Variants in TSPAN9 observed in about 807,000 individuals in gnomAD.
The protein encoded by TSPAN9 is tetraspanin 9.
Under a neutral mutation model 31.0 loss-of-function variants are expected in TSPAN9, and 16 were observed. That is an observed-to-expected ratio of 0.52 (90% confidence interval 0.35 to 0.78). TSPAN9 has a LOEUF of 0.78. TSPAN9 is among the 30% of genes least tolerant of loss of function. The pLI is 0.01. For missense variants in TSPAN9, 272 were observed against 312.5 expected (o/e 0.87, Z 0.98); for synonymous variants, 145 against 121.6 (o/e 1.19, Z -1.27).
At chr12:3,245,468 T>C (rs547169080) in intron 3 of TSPAN9, among the ~76,000 whole-genome samples, 1 of 152,310 alleles carries the variant, frequency 6.6e-6, no homozygotes, top group East Asian at 1.9e-4. Context: ...CAAGTTGAGT[T>C]GGCAGCCCAG....
intron 2 of TSPAN9, among the ~76,000 whole-genome samples, chr12:3,156,670 G>T (rs1475367882): frequency 3.3e-5 from 5 of 152,002 alleles, no homozygotes; most frequent in African/African-American, 4.8e-5. Context: ...ACCACAACTG[G>T]CTAATTTTTG....
rs555678937 is a variant in TSPAN9 at position 3,105,758 on chromosome 12, G to T, written c.-18+22039G>T. On this transcript the variant is annotated intron_variant, in intron 2 of 8. Coordinates refer to ENST00000011898, the MANE Select transcript of TSPAN9 (RefSeq NM_006675.5). ...CGTGCACACACACACTCACACACAC[G>T]CACACACGCGCACGCACACACGCTC... is the stretch of plus-strand genomic sequence containing the variant. 2.8e-3 allele frequency among the ~76,000 whole-genome samples: 262 copies of T among 94,584 alleles called. 1 individual carries two copies. Among genetic ancestry groups the T allele is most frequent in the Non-Finnish European group, 5.5e-3 (215 of 38,768 alleles). 62.1% of individuals were successfully genotyped at this position (94,584 alleles called of 152,430 possible). A position where few individuals can be genotyped will look rare whatever the true frequency, so the allele number is the denominator to read the frequency against.
rs559110302 is a variant in TSPAN9 at position 3,278,870 on chromosome 12, A to T, written c.256-122A>T. On this transcript the variant is annotated intron_variant, in intron 4 of 8. Coordinates refer to ENST00000011898, the MANE Select transcript of TSPAN9 (RefSeq NM_006675.5). ...TAGCTATCTGGGTTTCCTCAGGAGG[A>T]GCTGGCTTCTCCCAGACCTGGGAAG... 26 of 1,079,852 alleles carry T rather than the reference A, an allele frequency of 2.4e-5. No homozygotes were observed. The East Asian group carries it at 5.7e-4, about 24-fold the overall frequency. The allele number at this position is 1,079,852 out of a possible 1,614,324, so 66.9% of individuals were successfully genotyped here. A position where few individuals can be genotyped will look rare whatever the true frequency, so the allele number is the denominator to read the frequency against.
intron 2 of TSPAN9, among the ~76,000 whole-genome samples, chr12:3,116,348 T>C (rs1427025671): frequency 1.3e-5 from 2 of 152,182 alleles, no homozygotes; most frequent in East Asian, 1.9e-4. Flanking sequence ...AGTTTTCTCA[T>C]TGGTAAAAGG....
chr12:3,137,707 A>G (rs542338450), intron 2 of TSPAN9, among the ~76,000 whole-genome samples: 219 of 152,042 alleles, frequency 1.4e-3, no homozygotes, highest in African/African-American at 4.9e-3. Context: ...GCTGAGAGGG[A>G]AGGGGGATTC....
intron 2 of TSPAN9, among the ~76,000 whole-genome samples, chr12:3,166,866 G>A (rs925241934): frequency 2.0e-5 from 3 of 152,028 alleles, no homozygotes; most frequent in Admixed American, 6.6e-5. Context: ...GCGCGATCTC[G>A]GCTCACTGCA....
intron 2 of TSPAN9, among the ~76,000 whole-genome samples, chr12:3,098,973 G>A (rs942112657): frequency 1.3e-5 from 2 of 152,048 alleles, no homozygotes; most frequent in African/African-American, 4.8e-5. Flanking sequence ...GGCTGGTCTC[G>A]AACTCCTGAC....
intron 3 of TSPAN9, among the ~76,000 whole-genome samples, chr12:3,227,553 C>A (rs2098388477): frequency 6.6e-6 from 1 of 152,184 alleles, no homozygotes; most frequent in African/African-American, 2.4e-5. Context: ...TGCTTCCTGG[C>A]AGCACCAGGA....
At chr12:3,084,904 T>C (rs547403370) in intron 2 of TSPAN9, among the ~76,000 whole-genome samples, 36 of 152,322 alleles carry the variant, frequency 2.4e-4, no homozygotes, top group African/African-American at 7.9e-4. Context: ...GGTCCCTCCC[T>C]GAGCCTGCTT....
chr12:3,264,590 C>CT (rs1862508893), intron 3 of TSPAN9, among the ~76,000 whole-genome samples: 1 of 152,186 alleles, frequency 6.6e-6, no homozygotes, highest in South Asian at 2.1e-4. Flanking sequence ...GGAGCAGCCT[C>CT]TGTGTGCCGG....
At chr12:3,130,346 A>G (rs2098329284) in intron 2 of TSPAN9, among the ~76,000 whole-genome samples, 1 of 152,204 alleles carries the variant, frequency 6.6e-6, no homozygotes, top group Non-Finnish European at 1.5e-5. Flanking sequence ...CCAAATGTTT[A>G]CTTGATCCTC....
chr12:3,119,288 C>T (rs554113898), intron 2 of TSPAN9, among the ~76,000 whole-genome samples: 1 of 152,304 alleles, frequency 6.6e-6, no homozygotes, highest in African/African-American at 2.4e-5. Flanking sequence ...CTGCACTAGA[C>T]ATCTACTTAT....
At chr12:3,230,096 C>T (rs532192056) in intron 3 of TSPAN9, among the ~76,000 whole-genome samples, 2 of 152,260 alleles carry the variant, frequency 1.3e-5, no homozygotes, top group South Asian at 2.1e-4. Context: ...CTTCTCTCCA[C>T]GAAGCAGAAA....
chr12:3,101,025 G>A (rs1346097503), intron 2 of TSPAN9, among the ~76,000 whole-genome samples: 1 of 152,216 alleles, frequency 6.6e-6, no homozygotes, highest in Non-Finnish European at 1.5e-5. Flanking sequence ...CACACCTGTA[G>A]CATTGGGTTT....
chr12:3,114,369 C>T (rs2335345), intron 2 of TSPAN9, among the ~76,000 whole-genome samples: 48,579 of 152,006 alleles, frequency 0.32, 7,983 homozygotes, highest in Middle Eastern at 0.45. Context: ...CAGAGACAGG[C>T]GATGGGCTGT....
At chr12:3,271,273 C>G (rs576771590) in intron 3 of TSPAN9, among the ~76,000 whole-genome samples, 1 of 152,322 alleles carries the variant, frequency 6.6e-6, no homozygotes, top group Admixed American at 6.5e-5. Context: ...TGAAGTTATG[C>G]ACCAGCTCAG....
At chr12:3,229,070 A>C (rs2098389312) in intron 3 of TSPAN9, among the ~76,000 whole-genome samples, 1 of 152,172 alleles carries the variant, frequency 6.6e-6, no homozygotes, top group African/African-American at 2.4e-5. Context: ...TCATATAATC[A>C]CATCTGCAAA....
In TSPAN9 at chr12:3,094,538, GTTTTT is replaced by G. The variant is rs3062035; in HGVS notation, c.-18+10830_-18+10834del. On this transcript the variant is annotated intron_variant, in intron 2 of 8. Transcript: ENST00000011898. ...CAATTATCTTGTTGTTGTTGTTGTT[GTTTTT>G]TTTTTTTTTTGAGACGGAGTTTTGC... Among the ~76,000 whole-genome samples, 3 of 142,612 alleles carry G rather than the reference GTTTTT, an allele frequency of 2.1e-5. No individual in the cohort carries two copies. The East Asian group carries it at 6.1e-4, about 29-fold the overall frequency. The allele number at this position is 142,612 out of a possible 152,430, so 93.6% of individuals were successfully genotyped here.
At chr12:3,282,024 T>C in intron 8 of TSPAN9, 1 of 735,672 alleles carries the variant, frequency 1.4e-6, no homozygotes, top group Non-Finnish European at 2.5e-6. Context: ...AGAGTGGTGC[T>C]CAGGGCTGCC....
Sources: gnomAD v4.1 joint callset for allele counts (sites outside exome capture counted in the v4.1 genomes callset) on GRCh38, gnomAD v4.1.1 for gene constraint, MANE v1.5 for transcripts, NCBI Gene and HGNC (gene_info 2026-07-23, HGNC 2026-07-21) for gene names.